The following RNGTT variants were observed in gnomAD, a reference collection of about 807,000 sequenced individuals.
The protein encoded by RNGTT is RNA guanylyltransferase and 5'-phosphatase.
A neutral mutation model predicts 79.3 loss-of-function variants in RNGTT; 33 were observed. That is an observed-to-expected ratio of 0.42 (90% CI 0.32 to 0.56). The LOEUF (loss-of-function observed/expected upper bound fraction) is 0.56, where lower values mean the gene tolerates loss of function less well. RNGTT is among the 20% of genes least tolerant of loss of function. The pLI is 0.17. For synonymous variants in RNGTT, 222 were observed against 235.9 expected, an observed-to-expected ratio of 0.94 and a Z score of 0.54; for missense variants, 497 against 739.1, an observed-to-expected ratio of 0.67 and a Z score of 3.80.
Position 88,776,620 on chromosome 6 carries a change from C to T in RNGTT, c.1339-6746G>A, listed in dbSNP as rs59633325. On this transcript the variant is annotated intron_variant, in intron 12 of 15. Coordinates refer to ENST00000369485, the MANE Select transcript of RNGTT (RefSeq NM_003800.5). Reference sequence around the variant, plus strand: ...AAAGTGTTGAGATTACAGGCATGAGCCACCATGCCCAGCCACCTGTTGACC... The same window carrying T: ...AAAGTGTTGAGATTACAGGCATGAGTCACCATGCCCAGCCACCTGTTGACC... 3.8e-4 allele frequency among the ~76,000 whole-genome samples: 57 copies of T among 151,002 alleles called. 1 individual carries two copies. The highest frequency in any genetic ancestry group is 3.8e-3 in the Admixed American group (57 of 15,192).
chr6:88,777,146 T>C (rs896827977), intron 12 of RNGTT, among the ~76,000 whole-genome samples: 2 of 152,190 alleles, frequency 1.3e-5, no homozygotes, highest in African/African-American at 4.8e-5. Flanking sequence ...ATGTCAAAAA[T>C]TTGAACATAC....
chr6:88,740,095 A>C (rs929489152), intron 13 of RNGTT, among the ~76,000 whole-genome samples: 7 of 152,076 alleles, frequency 4.6e-5, no homozygotes, highest in Non-Finnish European at 1.0e-4. Flanking sequence ...AGGAAGAGAA[A>C]ATTCTAAGAG....
chr6:88,791,158 T>C (rs949653504), intron 12 of RNGTT, among the ~76,000 whole-genome samples: 18 of 111,552 alleles, frequency 1.6e-4, no homozygotes, highest in East Asian at 5.1e-4. Flanking sequence ...TTTTTTTTTT[T>C]CAATTTTTTT....
At chr6:88,620,120 G>A (rs1772388156) in intron 14 of RNGTT, among the ~76,000 whole-genome samples, 1 of 152,172 alleles carries the variant, frequency 6.6e-6, no homozygotes, top group African/African-American at 2.4e-5. Context: ...CCTCTATAAT[G>A]AGGAACCACT....
chr6:88,679,719 T>C (rs753379275), intron 13 of RNGTT, among the ~76,000 whole-genome samples: 17 of 152,312 alleles, frequency 1.1e-4, no homozygotes, highest in Admixed American at 2.0e-4. Flanking sequence ...TTGTGGAGTA[T>C]GTAAGGAACT....
At chr6:88,723,132 TTA>T (rs1347721233) in intron 13 of RNGTT, among the ~76,000 whole-genome samples, 1 of 152,188 alleles carries the variant, frequency 6.6e-6, no homozygotes, top group African/African-American at 2.4e-5. Flanking sequence ...CATGGCATTG[TTA>T]TAGATTTCAG....
At chr6:88,767,704 A>C (rs3798773) in intron 13 of RNGTT, among the ~76,000 whole-genome samples, 19,186 of 128,346 alleles carry the variant, frequency 0.15, 1,484 homozygotes, top group Middle Eastern at 0.26. Context: ...AAAAAAAAAA[A>C]CAGCGTAGCC....
At chr6:88,814,070 T>C (rs1780231878) in intron 11 of RNGTT, among the ~76,000 whole-genome samples, 1 of 140,816 alleles carries the variant, frequency 7.1e-6, no homozygotes, top group Admixed American at 7.2e-5. Context: ...ATACATAGGC[T>C]GTATTATCAC....
intron 13 of RNGTT, among the ~76,000 whole-genome samples, chr6:88,705,841 A>T (rs916191790): frequency 6.6e-6 from 1 of 152,076 alleles, no homozygotes; most frequent in African/African-American, 2.4e-5. Context: ...GAACTCAAAA[A>T]CTCAGAGCCT....
At chr6:88,930,079 T>C (rs141760083) in intron 2 of RNGTT, among the ~76,000 whole-genome samples, 4 of 146,218 alleles carry the variant, frequency 2.7e-5, no homozygotes, top group African/African-American at 1.0e-4. Context: ...TGTATACATA[T>C]ACATATATAC....
intron 5 of RNGTT, among the ~76,000 whole-genome samples, chr6:88,905,347 A>G (rs1783618443): frequency 1.3e-5 from 2 of 152,210 alleles, no homozygotes; most frequent in African/African-American, 4.8e-5. Context: ...AGGCACTAAG[A>G]GTCTAGATCA....
At chr6:88,795,047 A>T (rs1368687191) in intron 12 of RNGTT, among the ~76,000 whole-genome samples, 1 of 152,200 alleles carries the variant, frequency 6.6e-6, no homozygotes, top group African/African-American at 2.4e-5. Flanking sequence ...GGAAGGAAAG[A>T]TCTAATTCTA....
At position 88,849,953 on chromosome 6, in the gene RNGTT, T is replaced by C. The variant is rs964334996; in HGVS notation, c.1033-127A>G. ...TATACAACTTGATGAAATTTCAAAG[T>C]GAACACACTTGTACCCAGATCATAT... On this transcript the variant is annotated intron_variant, in intron 9 of 15. Coordinates refer to ENST00000369485, the MANE Select transcript of RNGTT (RefSeq NM_003800.5). 6.7e-5 allele frequency: 56 copies of C among 835,324 alleles called. 2 individuals are homozygous for C. In the South Asian group the frequency reaches 1.7e-3, roughly 25 times the overall value. The allele number at this position is 835,324 out of a possible 1,614,324, so 51.7% of individuals were successfully genotyped here. A position where few individuals can be genotyped will look rare whatever the true frequency, so the allele number is the denominator to read the frequency against.
intron 13 of RNGTT, among the ~76,000 whole-genome samples, chr6:88,757,950 T>G (rs1458262200): frequency 1.3e-5 from 2 of 152,208 alleles, no homozygotes; most frequent in Non-Finnish European, 2.9e-5. Flanking sequence ...AATCTTCATC[T>G]GTCATATAAG....
intron 14 of RNGTT, among the ~76,000 whole-genome samples, chr6:88,623,802 A>G (rs1399077636): frequency 6.6e-6 from 1 of 152,108 alleles, no homozygotes; most frequent in Non-Finnish European, 1.5e-5. Flanking sequence ...TTCACAGACA[A>G]CATGATTACT....
chr6:88,957,234 G>A (rs926500202), intron 1 of RNGTT, among the ~76,000 whole-genome samples: 1 of 152,012 alleles, frequency 6.6e-6, no homozygotes, highest in Non-Finnish European at 1.5e-5. Context: ...ATAATAAAAG[G>A]CATCTATGAC....
chr6:88,750,446 T>G, intron 13 of RNGTT, among the ~76,000 whole-genome samples: 1 of 152,128 alleles, frequency 6.6e-6, no homozygotes, highest in East Asian at 1.9e-4. Flanking sequence ...CAGTACCTCA[T>G]TGGATCGTCA....
In RNGTT at chr6:88,697,837, C is replaced by A. The variant is rs139579597; in HGVS notation, c.1440-19418G>T. Among the ~76,000 whole-genome samples the A allele has an allele frequency of 3.1e-3, 441 of 144,246 alleles. 7 individuals carry two copies. Among genetic ancestry groups the A allele is most frequent in the African/African-American group, 0.011 (414 of 36,352 alleles). The allele number at this position is 144,246 out of a possible 152,430, so 94.6% of individuals were successfully genotyped here. A position where few individuals can be genotyped will look rare whatever the true frequency, so the allele number is the denominator to read the frequency against. ...AGTAAGCCGAGACTGCACCACTGCACTCCAGCCTGGGTGACAGAGTGAGAC... is the reference window on the plus strand; with the variant it reads ...AGTAAGCCGAGACTGCACCACTGCAATCCAGCCTGGGTGACAGAGTGAGAC... On this transcript the variant is annotated intron_variant, in intron 13 of 15. Coordinates refer to ENST00000369485, the MANE Select transcript of RNGTT (RefSeq NM_003800.5).
chr6:88,782,200 A>T (rs1194601735), intron 12 of RNGTT, among the ~76,000 whole-genome samples: 2 of 152,060 alleles, frequency 1.3e-5, no homozygotes, highest in East Asian at 3.8e-4. Context: ...AAATCACTTT[A>T]TTCTCAAAAT....
Sources: allele counts gnomAD v4.1 joint callset (sites outside exome capture counted in the v4.1 genomes callset), GRCh38; gene constraint gnomAD v4.1.1; transcripts MANE v1.5; gene names NCBI Gene and HGNC (gene_info 2026-07-23, HGNC 2026-07-21).